PRKAR1B: variants seen among roughly 807,000 people sequenced by gnomAD.
PRKAR1B encodes the protein cAMP-dependent protein kinase type I-beta regulatory subunit.
Under a neutral mutation model 46.5 loss-of-function variants are expected in PRKAR1B, and 22 were observed. That is an observed-to-expected ratio of 0.47 (90% CI 0.34 to 0.68). PRKAR1B has a LOEUF of 0.68. PRKAR1B is among the 30% of genes least tolerant of loss of function. The pLI, the probability that PRKAR1B is intolerant of heterozygous loss-of-function variation, is 0.01. For missense variants in PRKAR1B, 445 were observed against 535.6 expected (o/e 0.83, Z 1.67); for synonymous variants, 259 against 217.7 (o/e 1.19, Z -1.67).
At chr7:555,060 CCT>C (rs1456873683) in intron 9 of PRKAR1B, among the ~76,000 whole-genome samples, 1 of 152,238 alleles carries the variant, frequency 6.6e-6, no homozygotes, top group Admixed American at 6.5e-5. Context: ...ACAGAACCTA[CCT>C]CTTTCTCCTG....
chr7:594,771 G>C (rs1484479571), intron 7 of PRKAR1B, among the ~76,000 whole-genome samples: 1 of 151,314 alleles, frequency 6.6e-6, no homozygotes, highest in African/African-American at 2.4e-5. Flanking sequence ...GACTCCCCCA[G>C]ACCATGAGAG....
chr7:657,108 CATGGATGG>C (rs1347168300), intron 4 of PRKAR1B, among the ~76,000 whole-genome samples: 2 of 137,168 alleles, frequency 1.5e-5, no homozygotes, highest in Non-Finnish European at 3.1e-5. Context: ...TGAGTGAATG[CATGGATGG>C]ATGGATGGAT....
At chr7:634,670 C>T (rs1393995722) in intron 4 of PRKAR1B, among the ~76,000 whole-genome samples, 3 of 150,372 alleles carry the variant, frequency 2.0e-5, no homozygotes, top group Non-Finnish European at 4.4e-5. Context: ...GGTGGAGTCT[C>T]GCTCTTTCAC....
At chr7:726,864 C>T (rs1304899364) in intron 1 of PRKAR1B, 3 of 1,317,234 alleles carry the variant, frequency 2.3e-6, no homozygotes, top group Admixed American at 3.8e-5. Flanking sequence ...GCCGGCGGCG[C>T]GCCTTGGAGG....
At chr7:665,388 C>T (rs1212114713) in intron 4 of PRKAR1B, among the ~76,000 whole-genome samples, 4 of 152,148 alleles carry the variant, frequency 2.6e-5, no homozygotes, top group East Asian at 1.9e-4. Context: ...ACGGCAGCCT[C>T]GGGGGCCACG....
intron 1 of PRKAR1B, among the ~76,000 whole-genome samples, chr7:722,333 C>T (rs546272597): frequency 7.4e-4 from 113 of 151,758 alleles, no homozygotes; most frequent in African/African-American, 2.7e-3. Context: ...AACTCCTGAC[C>T]TCAGGTGATC....
chr7:561,704 G>C (rs530023189), intron 9 of PRKAR1B, among the ~76,000 whole-genome samples: 2 of 152,372 alleles, frequency 1.3e-5, no homozygotes, highest in Admixed American at 1.3e-4. Flanking sequence ...ACACTTCAGC[G>C]GGCGAGCCGC....
chr7:611,333 C>T lies in PRKAR1B; in HGVS notation c.441-3881G>A, dbSNP rs138738464. Among the ~76,000 whole-genome samples, 27 of 152,274 alleles carry T rather than the reference C, an allele frequency of 1.8e-4. No individual in the cohort carries two copies. In the East Asian group the frequency reaches 5.0e-3, roughly 28 times the overall value. On this transcript the variant is annotated intron_variant, in intron 4 of 10. Transcript: ENST00000537384. ...CTAAGCTGGGGATTGAGGGCCTGAG[C>T]GTCTGGGACGGCCACCCCCAGCTCT...
chr7:557,855 C>T (rs1326555146), intron 9 of PRKAR1B, among the ~76,000 whole-genome samples: 1 of 152,144 alleles, frequency 6.6e-6, no homozygotes, highest in African/African-American at 2.4e-5. Flanking sequence ...CTAGGTCATA[C>T]TCCCCAAATT....
chr7:724,299 C>A (rs1000311517), intron 1 of PRKAR1B, among the ~76,000 whole-genome samples: 1 of 152,158 alleles, frequency 6.6e-6, no homozygotes, highest in Admixed American at 6.5e-5. Flanking sequence ...ACAATTCCCA[C>A]GTGTTGTGGG....
intron 9 of PRKAR1B, among the ~76,000 whole-genome samples, chr7:563,477 T>C (rs1583207844): frequency 6.6e-6 from 1 of 152,244 alleles, no homozygotes; most frequent in African/African-American, 2.4e-5. Flanking sequence ...AGACCCACAA[T>C]GTCCCAGCCC....
rs898699661 is a variant in PRKAR1B, at chr7:618,193, C to G, written c.441-10741G>C. Among the ~76,000 whole-genome samples the G allele has an allele frequency of 3.3e-5, 5 of 152,246 alleles. No homozygotes were observed. In the East Asian group the frequency reaches 5.8e-4, roughly 18 times the overall value. ...CTCACAGGCAGCCACAGCACTCAGA[C>G]TGGGTCCTGCTGGGGCCACAGGGCA... On this transcript the variant is annotated intron_variant, in intron 4 of 10. Transcript: ENST00000537384.
chr7:604,333 C>T (rs9770494), intron 6 of PRKAR1B, among the ~76,000 whole-genome samples: 17,504 of 152,282 alleles, frequency 0.11, 1,419 homozygotes, highest in African/African-American at 0.22. Flanking sequence ...CCGCCAGTGC[C>T]GCCCTCCAGC....
Position 560,878 on chromosome 7 carries a change from G to A in PRKAR1B, c.892-9408C>T, listed in dbSNP as rs556069346. 3.3e-5 allele frequency among the ~76,000 whole-genome samples: 5 copies of A among 152,156 alleles called. No homozygotes were observed. The highest frequency in any genetic ancestry group is 2.1e-4 in the South Asian group (1 of 4,822). On this transcript the variant is annotated intron_variant, in intron 9 of 10. Transcript: ENST00000537384. The surrounding 1 kb of genome is among the most constrained non-coding windows in gnomAD (Gnocchi z 4.2). ...GCCTTCTCAGGGCCACGGGGGCCAC[G>A]ACACGTTCCTCCCTCCAGTGAGACT... is the stretch of plus-strand genomic sequence containing the variant.
rs748145448 is a variant in PRKAR1B, at chr7:666,398, G to A, written c.440+10831C>T. 7.2e-5 allele frequency among the ~76,000 whole-genome samples: 11 copies of A among 152,172 alleles called. No individual in the cohort carries two copies. The highest frequency in any genetic ancestry group is 5.8e-4 in the East Asian group (3 of 5,186). The stretch of plus-strand genomic sequence containing the variant: ...GGCTGCTGAGGTCCCTGGCCGAGGC[G>A]TAACTGCCCCGGGCACCCCAGGTAG... On this transcript the variant is annotated intron_variant, in intron 4 of 10. Transcript: ENST00000537384. The surrounding 1 kb of genome is among the most constrained non-coding windows in gnomAD (Gnocchi z 4.9).
chr7:717,225 G>A (rs1376221007), intron 1 of PRKAR1B, among the ~76,000 whole-genome samples: 1 of 151,856 alleles, frequency 6.6e-6, no homozygotes, highest in Non-Finnish European at 1.5e-5. Context: ...AGAGGCAGAG[G>A]TCATAGTGAG....
chr7:607,371 G>A lies in PRKAR1B; in HGVS notation c.502+20C>T, dbSNP rs374524811. On this transcript the variant is annotated intron_variant, in intron 5 of 10. Coordinates refer to ENST00000537384, the MANE Select transcript of PRKAR1B (RefSeq NM_001164760.2). ...TTTTTCCCCTCTGGACTTTGGCTCCGAGGAGCAGGCAGAACGTACCTTGCT... is the reference window on the plus strand; with the variant it reads ...TTTTTCCCCTCTGGACTTTGGCTCCAAGGAGCAGGCAGAACGTACCTTGCT... 3.3e-5 allele frequency: 53 copies of A among 1,608,912 alleles called. No individual in the cohort carries two copies. In the African/African-American group the frequency reaches 4.5e-4, roughly 14 times the overall value.
chr7:655,497 C>T (rs1785144298), intron 4 of PRKAR1B, among the ~76,000 whole-genome samples: 1 of 152,184 alleles, frequency 6.6e-6, no homozygotes, highest in South Asian at 2.1e-4. Context: ...TTTCCAGGCC[C>T]CCCTCCAAAA....
rs868104289 is a variant in PRKAR1B at position 629,663 on chromosome 7, G to A, written c.441-22211C>T. On this transcript the variant is annotated intron_variant, in intron 4 of 10. Transcript: ENST00000537384. ...GGCTGGAAAACGCTGCAGGAGCGGG[G>A]CCACGGCCTCCGAGGGCGCCACCAC... is the stretch of plus-strand genomic sequence containing the variant. 9.9e-4 allele frequency among the ~76,000 whole-genome samples: 71 copies of A among 71,480 alleles called. 1 individual carries two copies. Among genetic ancestry groups the A allele is most frequent in the South Asian group, 7.4e-3 (9 of 1,214 alleles). 46.9% of individuals were successfully genotyped at this position (71,480 alleles called of 152,430 possible).
Sources: allele counts gnomAD v4.1 joint callset (sites outside exome capture counted in the v4.1 genomes callset), GRCh38; gene constraint gnomAD v4.1.1; non-coding constraint Gnocchi (gnomAD v3.1); transcripts MANE v1.5; gene names NCBI Gene and HGNC (gene_info 2026-07-23, HGNC 2026-07-21).